RAD51B: variants seen among roughly 807,000 people sequenced by gnomAD.
RAD51B encodes the protein DNA repair protein RAD51 homolog 2.
Under a neutral mutation model 42.2 loss-of-function variants are expected in RAD51B, and 38 were observed. That is an observed-to-expected ratio of 0.90 (90% CI 0.70 to 1.18). The LOEUF (loss-of-function observed/expected upper bound fraction) is 1.18. Among genes scored for constraint, RAD51B ranks in the 50% most tolerant of loss-of-function variants. RAD51B has a pLI of 0.00. For missense variants in RAD51B, 373 were observed against 400.7 expected (o/e 0.93, Z 0.59); for synonymous variants, 154 against 145.2 (o/e 1.06, Z -0.43).
At chr14:67,854,196 A>G (rs1485354781) in intron 4 of RAD51B, among the ~76,000 whole-genome samples, 2 of 152,234 alleles carry the variant, frequency 1.3e-5, no homozygotes, top group Non-Finnish European at 2.9e-5. Flanking sequence ...CTGTTTTTGT[A>G]CTGTATAAAT....
chr14:68,283,861 AG>A (rs768675268), intron 7 of RAD51B, among the ~76,000 whole-genome samples: 9 of 152,378 alleles, frequency 5.9e-5, no homozygotes, highest in Non-Finnish European at 8.8e-5. Flanking sequence ...AAGCTGCCTT[AG>A]GGAGCCACAT....
In RAD51B at chr14:67,887,124, G is replaced by C; in HGVS notation, c.676G>C (p.Gly226Arg). 1 of 1,610,534 alleles carries C rather than the reference G, an allele frequency of 6.2e-7. No homozygotes were observed. Among genetic ancestry groups the C allele is most frequent in the Non-Finnish European group, 8.5e-7 (1 of 1,177,382 alleles). The change falls in exon 7 of 11, where the codon GGC (glycine) becomes CGC (arginine). Residue 226 changes from glycine (G) to arginine (R), a missense_variant. Transcript: ENST00000471583. ...VRKEFDAQLQGNLKERNKFLA... is the reference protein window; with the variant it reads ...VRKEFDAQLQRNLKERNKFLA... The stretch of plus-strand genomic sequence containing the variant: ...AAAGGAGTTTGATGCACAACTTCAA[G>C]GCAATCTCAAAGAAAGAAACAAGTT...
chr14:68,599,850 A>G (rs933910202), downstream of RAD51B, among the ~76,000 whole-genome samples: 6 of 152,242 alleles, frequency 3.9e-5, no homozygotes, highest in Non-Finnish European at 8.8e-5. Flanking sequence ...ACCACTTCAC[A>G]TAATCCTCTT....
chr14:67,896,770 T>A lies in RAD51B; in HGVS notation c.756+9566T>A, dbSNP rs182145092. On this transcript the variant is annotated intron_variant, in intron 7 of 10. Transcript: ENST00000471583. ...ACATATCCTTTGCGTTTCTTGAATG[T>A]AGTTCACTTAGTTAATACAGTACAG... Among the ~76,000 whole-genome samples, 4 of 152,342 alleles carry A rather than the reference T, an allele frequency of 2.6e-5. No individual in the cohort carries two copies. The East Asian group carries it at 7.7e-4, about 29-fold the overall frequency.
chr14:68,177,656 C>A (rs973134539), intron 7 of RAD51B, among the ~76,000 whole-genome samples: 26 of 151,404 alleles, frequency 1.7e-4, no homozygotes, highest in African/African-American at 5.8e-4. Context: ...AAATAAGAAG[C>A]AATTAAGTTT....
intron 7 of RAD51B, among the ~76,000 whole-genome samples, chr14:68,198,754 G>A (rs1412161082): frequency 6.6e-6 from 1 of 152,114 alleles, no homozygotes; most frequent in Non-Finnish European, 1.5e-5. Context: ...GCAGTTCTCA[G>A]CCTTGAAGTT....
At chr14:68,367,502 G>C (rs2083166742) in intron 8 of RAD51B, among the ~76,000 whole-genome samples, 1 of 152,180 alleles carries the variant, frequency 6.6e-6, no homozygotes, top group Non-Finnish European at 1.5e-5. Context: ...AAAGTATAAA[G>C]TAGAGCAAGG....
intron 8 of RAD51B, among the ~76,000 whole-genome samples, chr14:68,375,739 G>A (rs1343209625): frequency 6.6e-6 from 1 of 152,032 alleles, no homozygotes; most frequent in African/African-American, 2.4e-5. Flanking sequence ...TAATGAATCA[G>A]CTTATTTAAT....
intron 7 of RAD51B, among the ~76,000 whole-genome samples, chr14:67,998,432 A>G (rs1323683939): frequency 6.6e-6 from 1 of 152,222 alleles, no homozygotes; most frequent in Non-Finnish European, 1.5e-5. Flanking sequence ...TAGGAATGCT[A>G]TGTTTTCTAG....
In RAD51B at chr14:68,332,296, T is replaced by TAC. The variant is rs374934075; in HGVS notation, c.853+40330_853+40331dup. 1.7e-3 allele frequency among the ~76,000 whole-genome samples: 264 copies of TAC among 151,848 alleles called. 1 individual carries two copies. Among genetic ancestry groups the TAC allele is most frequent in the African/African-American group, 5.4e-3 (225 of 41,440 alleles). On this transcript the variant is annotated intron_variant, in intron 8 of 10. Coordinates refer to ENST00000471583, the MANE Select transcript of RAD51B (RefSeq NM_133510.4). Reference sequence around the variant, plus strand: ...TGTATACACACAAACACAAATGAGATACACACACACACACATGTATATTAT... The same window carrying TAC: ...TGTATACACACAAACACAAATGAGATACACACACACACACACATGTATATTAT...
chr14:68,108,802 A>AT (rs897480481), intron 7 of RAD51B, among the ~76,000 whole-genome samples: 1 of 151,930 alleles, frequency 6.6e-6, no homozygotes. Flanking sequence ...TTACGTATAT[A>AT]TTTTTTAAAC....
chr14:68,334,471 G>T (rs116248593), intron 8 of RAD51B, among the ~76,000 whole-genome samples: 3,170 of 152,290 alleles, frequency 0.021, 120 homozygotes, highest in African/African-American at 0.073. Flanking sequence ...AGCTGGTCTT[G>T]CTGTCTCAGA....
At chr14:67,947,915 C>T (rs544237221) in intron 7 of RAD51B, among the ~76,000 whole-genome samples, 11 of 152,296 alleles carry the variant, frequency 7.2e-5, no homozygotes, top group Non-Finnish European at 1.5e-4. Context: ...GAAAACTTTA[C>T]ATAGCCCATT....
At chr14:68,569,639 G>A (rs1889594492) in intron 10 of RAD51B, among the ~76,000 whole-genome samples, 1 of 152,246 alleles carries the variant, frequency 6.6e-6, no homozygotes, top group African/African-American at 2.4e-5. Flanking sequence ...TCTGCCCGCA[G>A]AGAGGGCAAG....
At chr14:68,115,451 C>T (rs1400410430) in intron 7 of RAD51B, among the ~76,000 whole-genome samples, 1 of 116,458 alleles carries the variant, frequency 8.6e-6, no homozygotes, top group Admixed American at 9.1e-5. Context: ...TGCTAGATGA[C>T]GAGTTAGTGG....
intron 8 of RAD51B, among the ~76,000 whole-genome samples, chr14:68,385,148 G>A (rs546469046): frequency 9.2e-4 from 140 of 152,196 alleles, no homozygotes; most frequent in Non-Finnish European, 8.5e-4. Flanking sequence ...TCCAGGTCTC[G>A]GGGGAACAGT....
rs143478875 is a variant in RAD51B, at chr14:68,228,618, A to G, written c.757-63266A>G. Among the ~76,000 whole-genome samples the G allele has an allele frequency of 4.7e-3, 713 of 152,300 alleles. 4 individuals carry two copies. The highest frequency in any genetic ancestry group is 0.016 in the African/African-American group (677 of 41,568). On this transcript the variant is annotated intron_variant, in intron 7 of 10. Coordinates refer to ENST00000471583, the MANE Select transcript of RAD51B (RefSeq NM_133510.4). ...TAAAACAGCTCTTGATGTGTAAGACATGCTTTATAAATTTGTGTTGAATGA... is the reference window on the plus strand; with the variant it reads ...TAAAACAGCTCTTGATGTGTAAGACGTGCTTTATAAATTTGTGTTGAATGA...
intron 7 of RAD51B, among the ~76,000 whole-genome samples, chr14:68,271,999 C>G (rs1162144650): frequency 6.6e-6 from 1 of 152,164 alleles, no homozygotes; most frequent in Admixed American, 6.5e-5. Flanking sequence ...TGTTTCAACT[C>G]GAAAATGAAA....
chr14:68,681,487 G>A (rs1893429829), intron 11 of RAD51B, among the ~76,000 whole-genome samples: 1 of 152,242 alleles, frequency 6.6e-6, no homozygotes, highest in African/African-American at 2.4e-5. Context: ...ACTTTGCTAA[G>A]ACGGAGAGTG....
Sources: allele counts gnomAD v4.1 joint callset (sites outside exome capture counted in the v4.1 genomes callset), GRCh38; gene constraint gnomAD v4.1.1; transcripts MANE v1.5; gene names NCBI Gene and HGNC (gene_info 2026-07-23, HGNC 2026-07-21).